Variants in PEPD observed in about 807,000 individuals in gnomAD.
PEPD encodes peptidase D.
Under a neutral mutation model 60.7 loss-of-function variants are expected in PEPD, and 53 were observed. The ratio of observed to expected loss-of-function variants is 0.87; its 90% CI spans 0.70 to 1.10. The LOEUF is 1.10. Ranked by LOEUF, PEPD falls within the 50% of genes least tolerant of loss-of-function variation. PEPD has a pLI of 0.00. For missense variants in PEPD, 711 were observed against 711.9 expected, an observed-to-expected ratio of 1.00 and a Z score of 0.01; for synonymous variants, 267 against 284.1, an observed-to-expected ratio of 0.94 and a Z score of 0.60.
chr19:33,398,720 A>T (rs1968422881), intron 12 of PEPD, among the ~76,000 whole-genome samples: 1 of 152,232 alleles, frequency 6.6e-6, no homozygotes, highest in Admixed American at 6.5e-5. Flanking sequence ...TGCTTCGTGG[A>T]GGCTGGATTG....
At position 33,419,545 on chromosome 19, in the gene PEPD, G is replaced by A. The variant is rs1329041428; in HGVS notation, c.672-5902C>T. 7.2e-5 allele frequency among the ~76,000 whole-genome samples: 11 copies of A among 152,202 alleles called. No homozygotes were observed. In the East Asian group the frequency reaches 7.7e-4, roughly 11 times the overall value. ...ATCCGTGTTCGGGCTCGGAGTCCAC[G>A]CAGGGTCTCCGACTGCAAAGCTTAT... On this transcript the variant is annotated intron_variant, in intron 9 of 14. Coordinates refer to ENST00000244137, the MANE Select transcript of PEPD (RefSeq NM_000285.4).
chr19:33,508,504 A>G (rs1303712551), intron 3 of PEPD, among the ~76,000 whole-genome samples: 2 of 152,204 alleles, frequency 1.3e-5, no homozygotes, highest in Non-Finnish European at 2.9e-5. Flanking sequence ...AAGGTCGGGA[A>G]TTTGGACCGA....
At chr19:33,487,022 G>A (rs1970409583) in intron 6 of PEPD, 1 of 152,418 alleles carries the variant, frequency 6.6e-6, no homozygotes, top group South Asian at 2.1e-4. Flanking sequence ...AGCAGTGAGA[G>A]GCAACTGGGG....
chr19:33,464,079 A>C lies in PEPD; in HGVS notation c.549-17T>G, dbSNP rs760986517. On this transcript the variant is annotated splice_polypyrimidine_tract_variant and intron_variant, in intron 7 of 14. Transcript: ENST00000244137. ...AACACTCGGCTTCAGAGACAGAAGA[A>C]CAAAGCAGCAAATCAGTGACTTTCA... 6.3e-7 allele frequency: 1 copy of C among 1,596,960 alleles called. No individual in the cohort carries two copies. The highest frequency in any genetic ancestry group is 8.6e-7 in the Non-Finnish European group (1 of 1,164,968).
At chr19:33,427,623 A>G (rs1969179086) in intron 9 of PEPD, among the ~76,000 whole-genome samples, 1 of 152,238 alleles carries the variant, frequency 6.6e-6, no homozygotes, top group Admixed American at 6.5e-5. Flanking sequence ...TAATTAATAA[A>G]GTCTAAGTCT....
At position 33,505,367 on chromosome 19, in the gene PEPD, C is replaced by G. The variant is rs79894246; in HGVS notation, c.330-4366G>C. Among the ~76,000 whole-genome samples the G allele has an allele frequency of 1.9e-3, 285 of 152,182 alleles. 1 individual carries two copies. The highest frequency in any genetic ancestry group is 6.6e-3 in the African/African-American group (272 of 41,516). ...CGCCACAGTGACGCAGGTGCCTATG[C>G]CCAAAGACCACTCCCGGAGCAAGCT... On this transcript the variant is annotated intron_variant, in intron 3 of 14. Coordinates refer to ENST00000244137, the MANE Select transcript of PEPD (RefSeq NM_000285.4).
chr19:33,441,464 G>T (rs933257442), intron 9 of PEPD, among the ~76,000 whole-genome samples: 1 of 152,230 alleles, frequency 6.6e-6, no homozygotes, highest in African/African-American at 2.4e-5. Flanking sequence ...CAGTCCCGGG[G>T]AGGCCGCCAC....
At chr19:33,513,068 C>T (rs1341604250) in intron 1 of PEPD, among the ~76,000 whole-genome samples, 1 of 151,910 alleles carries the variant, frequency 6.6e-6, no homozygotes. Flanking sequence ...CCCACGCTCC[C>T]GAATCTGCAG....
chr19:33,389,712 A>G (rs1352228092), intron 13 of PEPD, among the ~76,000 whole-genome samples: 1 of 152,224 alleles, frequency 6.6e-6, no homozygotes, highest in Non-Finnish European at 1.5e-5. Context: ...CCCCAGAGAA[A>G]CGAACTTTCC....
chr19:33,401,030 C>T (rs978881108), intron 12 of PEPD, among the ~76,000 whole-genome samples: 1 of 152,254 alleles, frequency 6.6e-6, no homozygotes, highest in Admixed American at 6.5e-5. Flanking sequence ...ACATCAACGG[C>T]GCGCGGTGGG....
intron 9 of PEPD, among the ~76,000 whole-genome samples, chr19:33,429,101 G>T (rs1339916303): frequency 6.6e-6 from 1 of 152,118 alleles, no homozygotes; most frequent in Non-Finnish European, 1.5e-5. Context: ...CCAGGCCATG[G>T]CTTTTAAGAG....
intron 11 of PEPD, among the ~76,000 whole-genome samples, chr19:33,404,962 C>A (rs1397050356): frequency 2.0e-5 from 3 of 152,222 alleles, no homozygotes; most frequent in Non-Finnish European, 4.4e-5. Context: ...GAATGCAAAC[C>A]GACAATGGAG....
chr19:33,511,918 G>A (rs1235423810), intron 2 of PEPD, among the ~76,000 whole-genome samples: 1 of 152,164 alleles, frequency 6.6e-6, no homozygotes, highest in African/African-American at 2.4e-5. Flanking sequence ...CACAGTCTGC[G>A]GTCGCTCAGC....
intron 9 of PEPD, among the ~76,000 whole-genome samples, chr19:33,426,706 A>G (rs1279586653): frequency 1.3e-5 from 2 of 152,242 alleles, no homozygotes; most frequent in Non-Finnish European, 2.9e-5. Context: ...TGGCTACCCC[A>G]TTAGGCTGGA....
intron 9 of PEPD, among the ~76,000 whole-genome samples, chr19:33,424,310 C>T (rs900037852): frequency 4.6e-5 from 7 of 152,250 alleles, no homozygotes; most frequent in Non-Finnish European, 1.0e-4. Context: ...TCGCAGTACC[C>T]GCCTTGAGGG....
chr19:33,444,324 A>C (rs1969548912), intron 9 of PEPD, among the ~76,000 whole-genome samples: 1 of 152,012 alleles, frequency 6.6e-6, no homozygotes, highest in Non-Finnish European at 1.5e-5. Context: ...AAAATCATGG[A>C]CTTCATAAAA....
At chr19:33,475,557 G>A (rs763576643) in intron 7 of PEPD, among the ~76,000 whole-genome samples, 3 of 152,150 alleles carry the variant, frequency 2.0e-5, no homozygotes, top group Admixed American at 1.3e-4. Context: ...TTAGGAACGC[G>A]GGCTCGACCT....
intron 9 of PEPD, among the ~76,000 whole-genome samples, chr19:33,459,464 C>T (rs1160006740): frequency 6.6e-6 from 1 of 152,104 alleles, no homozygotes; most frequent in East Asian, 1.9e-4. Context: ...AAGCTGGGTA[C>T]GCCACTAACA....
intron 1 of PEPD, among the ~76,000 whole-genome samples, chr19:33,516,825 C>T (rs1254226284): frequency 1.3e-5 from 2 of 152,302 alleles, no homozygotes; most frequent in South Asian, 2.1e-4. Flanking sequence ...TAATCTGTCA[C>T]CAACAAAAAT....
Sources: gnomAD v4.1 joint callset for allele counts (sites outside exome capture counted in the v4.1 genomes callset) on GRCh38, gnomAD v4.1.1 for gene constraint, MANE v1.5 for transcripts, NCBI Gene and HGNC (gene_info 2026-07-23, HGNC 2026-07-21) for gene names.